Variants in CNTNAP2 observed in about 807,000 individuals in gnomAD.
CNTNAP2 encodes the protein contactin-associated protein-like 2.
In CNTNAP2, 98 loss-of-function variants were observed where a neutral mutation model predicts 155.2. The ratio of observed to expected loss-of-function variants is 0.63; its 90% CI spans 0.54 to 0.75. CNTNAP2 has a LOEUF of 0.75. Ranked by LOEUF, CNTNAP2 falls within the 30% of genes least tolerant of loss-of-function variation. CNTNAP2 has a pLI of 0.00. For missense variants in CNTNAP2, 1,727 were observed against 1,688.1 expected, an observed-to-expected ratio of 1.02 and a Z score of -0.40; for synonymous variants, 651 against 631.2, an observed-to-expected ratio of 1.03 and a Z score of -0.47.
intron 1 of CNTNAP2, among the ~76,000 whole-genome samples, chr7:146,502,699 C>T (rs1240872877): frequency 6.6e-6 from 1 of 152,100 alleles, no homozygotes; most frequent in Non-Finnish European, 1.5e-5. Context: ...GCAACCTCTC[C>T]CTCCCAGGTT....
chr7:147,983,433 CAAAAAA>C (rs763628321), intron 15 of CNTNAP2, among the ~76,000 whole-genome samples: 1 of 142,094 alleles, frequency 7.0e-6, no homozygotes, highest in African/African-American at 2.6e-5. Flanking sequence ...ATACTGTTGA[CAAAAAA>C]AAAATAAAAA....
chr7:147,575,384 G>A (rs1186492474), intron 12 of CNTNAP2, among the ~76,000 whole-genome samples: 5 of 148,028 alleles, frequency 3.4e-5, no homozygotes, highest in East Asian at 2.0e-4. Flanking sequence ...GTGTGTGTGT[G>A]TGTGTGTGTG....
At chr7:146,834,692 GTTC>G (rs1160793404) in intron 2 of CNTNAP2, among the ~76,000 whole-genome samples, 2 of 152,160 alleles carry the variant, frequency 1.3e-5, no homozygotes, top group African/African-American at 4.8e-5. Flanking sequence ...CTAGGCAAGT[GTTC>G]TTCTTAGGAA....
At chr7:148,009,133 C>T (rs995649136) in intron 15 of CNTNAP2, among the ~76,000 whole-genome samples, 2 of 152,266 alleles carry the variant, frequency 1.3e-5, no homozygotes, top group Non-Finnish European at 2.9e-5. Flanking sequence ...GTTGAAAATT[C>T]GTTTAATACA....
intron 17 of CNTNAP2, among the ~76,000 whole-genome samples, chr7:148,165,976 G>A (rs1805649545): frequency 6.6e-6 from 1 of 151,846 alleles, no homozygotes; most frequent in Non-Finnish European, 1.5e-5. Context: ...TCCCCTACTT[G>A]CAGGATGGTA....
chr7:148,415,642 G>A lies in CNTNAP2; in HGVS notation c.*26G>A. The A allele has an allele frequency of 6.2e-7, 1 of 1,612,308 alleles. No homozygotes were observed. The highest frequency in any genetic ancestry group is 8.5e-7 in the Non-Finnish European group (1 of 1,179,738). ...GGGGTGGCTACTTGGCTATGGGATA[G>A]GGAGGAGGGAATTACTAGGGAGGAG... On this transcript the variant is annotated 3_prime_UTR_variant, in exon 24 of 24. Coordinates refer to ENST00000361727, the MANE Select transcript of CNTNAP2 (RefSeq NM_014141.6).
intron 1 of CNTNAP2, among the ~76,000 whole-genome samples, chr7:146,348,814 TATATATA>T (rs961089546): frequency 6.7e-6 from 1 of 148,554 alleles, no homozygotes; most frequent in Non-Finnish European, 1.5e-5. Flanking sequence ...TTCTCATGAT[TATATATA>T]ATATATGTTA....
At chr7:147,673,164 AT>A (rs1260063965) in intron 13 of CNTNAP2, 5 of 152,154 alleles carry the variant, frequency 3.3e-5, no homozygotes, top group Non-Finnish European at 2.9e-5. Flanking sequence ...CTGTCTTTAA[AT>A]TTCTTTCATT....
chr7:148,268,227 T>C (rs34028741), intron 21 of CNTNAP2, among the ~76,000 whole-genome samples: 85,328 of 152,046 alleles, frequency 0.56, 25,552 homozygotes, highest in South Asian at 0.77. Flanking sequence ...GGTGGTGATG[T>C]ACAGGTGGGA....
At chr7:147,387,076 G>T (rs13246788) in intron 9 of CNTNAP2, among the ~76,000 whole-genome samples, 26,056 of 151,980 alleles carry the variant, frequency 0.17, 2,827 homozygotes, top group Non-Finnish European at 0.24. Flanking sequence ...CACGGGAATA[G>T]CACAGGAAAG....
intron 1 of CNTNAP2, among the ~76,000 whole-genome samples, chr7:146,258,145 C>G (rs802563): frequency 0.21 from 31,380 of 152,088 alleles, 7,838 homozygotes; most frequent in African/African-American, 0.6. Context: ...ACCTGCCTCG[C>G]CCTTCCAGAG....
At chr7:147,937,404 G>A (rs908311109) in intron 14 of CNTNAP2, among the ~76,000 whole-genome samples, 23 of 152,118 alleles carry the variant, frequency 1.5e-4, no homozygotes, top group African/African-American at 5.6e-4. Context: ...CTGGGCAATA[G>A]GCACTCAGAT....
intron 1 of CNTNAP2, among the ~76,000 whole-genome samples, chr7:146,647,709 G>C (rs73739757): frequency 0.025 from 3,850 of 152,124 alleles, 157 homozygotes; most frequent in African/African-American, 0.088. Flanking sequence ...GAAATCCAAG[G>C]CTCAAACTCC....
At chr7:147,418,241 G>A (rs554022908) in intron 10 of CNTNAP2, among the ~76,000 whole-genome samples, 59 of 152,254 alleles carry the variant, frequency 3.9e-4, no homozygotes, top group African/African-American at 1.4e-3. Context: ...GGTGGTTTTT[G>A]TTGTTCATAA....
chr7:148,228,252 C>T lies in CNTNAP2; in HGVS notation c.3248-1394C>T, dbSNP rs1030415735. 1.4e-3 allele frequency among the ~76,000 whole-genome samples: 219 copies of T among 152,108 alleles called. 1 individual carries two copies. The highest frequency in any genetic ancestry group is 1.6e-3 in the Non-Finnish European group (108 of 68,012). On this transcript the variant is annotated intron_variant, in intron 19 of 23. Transcript: ENST00000361727. ...ATAAAATATTGATGTCTTTAAAACT[C>T]ATAACTAAGATATAATATTTATGCT...
intron 15 of CNTNAP2, among the ~76,000 whole-genome samples, chr7:148,075,490 T>G (rs1280403497): frequency 6.6e-6 from 1 of 151,766 alleles, no homozygotes; most frequent in African/African-American, 2.4e-5. Context: ...TGATTTCCAG[T>G]GAGTGAAGGA....
intron 3 of CNTNAP2, among the ~76,000 whole-genome samples, chr7:146,978,709 A>G (rs1797958476): frequency 6.6e-6 from 1 of 151,126 alleles, no homozygotes; most frequent in Non-Finnish European, 1.5e-5. Flanking sequence ...TCATATATAT[A>G]TAATATATAT....
At chr7:147,246,579 C>A (rs1804075746) in intron 8 of CNTNAP2, among the ~76,000 whole-genome samples, 1 of 152,166 alleles carries the variant, frequency 6.6e-6, no homozygotes, top group African/African-American at 2.4e-5. Flanking sequence ...TAATTACACT[C>A]ATGAGGGTTC....
intron 1 of CNTNAP2, among the ~76,000 whole-genome samples, chr7:146,589,038 C>G (rs753512565): frequency 6.6e-6 from 1 of 152,144 alleles, no homozygotes; most frequent in African/African-American, 2.4e-5. Context: ...TCCTTAGCAT[C>G]CTTAGATAGC....
Sources: gnomAD v4.1 joint callset for allele counts (sites outside exome capture counted in the v4.1 genomes callset) on GRCh38, gnomAD v4.1.1 for gene constraint, MANE v1.5 for transcripts, NCBI Gene and HGNC (gene_info 2026-07-23, HGNC 2026-07-21) for gene names.